LEMD3: variants seen among roughly 807,000 people sequenced by gnomAD.
LEMD3 encodes LEM domain containing 3.
LEMD3 carries 33 observed loss-of-function variants against 95.2 expected under a neutral mutation model. The ratio of observed to expected loss-of-function variants is 0.35; its 90% CI spans 0.26 to 0.46. The LOEUF is 0.46. Ranked by LOEUF, LEMD3 falls within the 20% of genes least tolerant of loss-of-function variation. LEMD3 has a pLI of 1.00. For missense variants in LEMD3, 1,210 were observed against 1,192.8 expected (o/e 1.01, Z -0.21); for synonymous variants, 525 against 474.6 (o/e 1.11, Z -1.38).
intron 1 of LEMD3, among the ~76,000 whole-genome samples, chr12:65,179,688 A>G (rs1868840893): frequency 6.6e-6 from 1 of 152,210 alleles, no homozygotes; most frequent in South Asian, 2.1e-4. Context: ...TGATGGGTTG[A>G]TAGGTGCAGC....
At chr12:65,238,479 T>C (rs1484168722) in intron 4 of LEMD3, 23 bp from the exon 5 acceptor site, 3 of 1,436,922 alleles carry the variant, frequency 2.1e-6, no homozygotes, top group Non-Finnish European at 2.9e-6. Flanking sequence ...AGAATAGTTA[T>C]TTTTCTCTAT....
intron 1 of LEMD3, among the ~76,000 whole-genome samples, chr12:65,201,003 A>AT (rs1869584357): frequency 6.6e-6 from 1 of 152,028 alleles, no homozygotes; most frequent in Non-Finnish European, 1.5e-5. Context: ...GCCTAGATTA[A>AT]TTTTTTTGCA....
At chr12:65,173,719 C>T (rs1868626049) in intron 1 of LEMD3, among the ~76,000 whole-genome samples, 1 of 152,120 alleles carries the variant, frequency 6.6e-6, no homozygotes, top group Admixed American at 6.5e-5. Context: ...CTATAAATGA[C>T]ATAGTATAGT....
At chr12:65,198,816 T>C (rs1372413840) in intron 1 of LEMD3, among the ~76,000 whole-genome samples, 1 of 152,186 alleles carries the variant, frequency 6.6e-6, no homozygotes, top group Non-Finnish European at 1.5e-5. Flanking sequence ...TGTATTGTTA[T>C]ATTGTTAGCA....
At chr12:65,177,728 C>G (rs963743910) in intron 1 of LEMD3, among the ~76,000 whole-genome samples, 1 of 151,058 alleles carries the variant, frequency 6.6e-6, no homozygotes, top group Non-Finnish European at 1.5e-5. Flanking sequence ...ATGTCATTGT[C>G]GTTTAAAAAA....
At chr12:65,189,652 C>G (rs1592435523) in intron 1 of LEMD3, among the ~76,000 whole-genome samples, 2 of 152,328 alleles carry the variant, frequency 1.3e-5, no homozygotes, top group South Asian at 4.1e-4. Flanking sequence ...TTTCTCTCTA[C>G]AGCTGCTCCC....
In LEMD3 at chr12:65,245,896, T is replaced by C. The variant is rs755193050; in HGVS notation, c.2529T>C (p.Tyr843=). ...ATGTTAAATGTCTGTCTCCAGAATA[T>C]GCTGGAAAGGCTTTTAAAGCATTGC... ...CVYVKCLSPE[Y]AGKAFKALHG... Residue 843 remains tyrosine, a synonymous_variant, in exon 12 of 13, where the codon TAT becomes TAC. Transcript: ENST00000308330. 1 of 1,613,334 alleles carries C rather than the reference T, an allele frequency of 6.2e-7. No homozygotes were observed. The highest frequency in any genetic ancestry group is 1.7e-5 in the Admixed American group (1 of 60,030).
chr12:65,245,070 T>C (rs1871057034), intron 10 of LEMD3, among the ~76,000 whole-genome samples: 1 of 151,666 alleles, frequency 6.6e-6, no homozygotes, highest in Admixed American at 6.6e-5. Flanking sequence ...AACATAGGAA[T>C]GACCCAATCC....
At position 65,240,198 on chromosome 12, in the gene LEMD3, A is replaced by G. The variant is rs762830732; in HGVS notation, c.2086A>G (p.Ile696Val). ...ENKDLQPYMP[I>V]PHVRDSLIQP... ...CAAAGATTTACAACCTTACATGCCTATTCCACATGTACGCGATTCCTTAAT... is the reference window on the plus strand; with the variant it reads ...CAAAGATTTACAACCTTACATGCCTGTTCCACATGTACGCGATTCCTTAAT... Residue 696 changes from isoleucine (I) to valine (V), a missense_variant, in exon 8 of 13, where the codon ATT (isoleucine) becomes GTT (valine). By Grantham distance (29) the Ile-to-Val change is conservative. Around this residue, in one of 2 missense-constraint regions of LEMD3, gnomAD observed 461 missense variants for 569.8 expected, o/e 0.81. Coordinates refer to ENST00000308330, the MANE Select transcript of LEMD3 (RefSeq NM_014319.5). 37 of 1,613,748 alleles carry G rather than the reference A, an allele frequency of 2.3e-5. No homozygotes were observed. Among genetic ancestry groups the G allele is most frequent in the Non-Finnish European group, 2.8e-5 (33 of 1,179,810 alleles).
intron 4 of LEMD3, among the ~76,000 whole-genome samples, chr12:65,236,898 A>G (rs115341738): frequency 0.019 from 2,838 of 152,234 alleles, 85 homozygotes; most frequent in African/African-American, 0.063. Flanking sequence ...TAGTATGTGT[A>G]ATATGATACC....
At chr12:65,227,651 C>G (rs1870491770) in intron 4 of LEMD3, among the ~76,000 whole-genome samples, 1 of 151,822 alleles carries the variant, frequency 6.6e-6, no homozygotes, top group African/African-American at 2.4e-5. Context: ...TTAGTGCAAA[C>G]TTGTCCAACT....
At chr12:65,237,062 C>T in intron 4 of LEMD3, among the ~76,000 whole-genome samples, 1 of 151,638 alleles carries the variant, frequency 6.6e-6, no homozygotes. Context: ...GATATATTTA[C>T]TTTCTAATGG....
At chr12:65,204,646 G>T (rs1258863423) in intron 1 of LEMD3, among the ~76,000 whole-genome samples, 1 of 152,054 alleles carries the variant, frequency 6.6e-6, no homozygotes, top group Non-Finnish European at 1.5e-5. Flanking sequence ...ATATATGTGT[G>T]CATATATCTT....
At chr12:65,194,896 A>G (rs1869380891) in intron 1 of LEMD3, among the ~76,000 whole-genome samples, 1 of 4,354 alleles carries the variant, frequency 2.3e-4, no homozygotes, top group African/African-American at 8.8e-4. Context: ...TAAAATTAAA[A>G]TAAAATAATT....
At chr12:65,221,863 C>T (rs1870302628) in intron 4 of LEMD3, among the ~76,000 whole-genome samples, 1 of 151,270 alleles carries the variant, frequency 6.6e-6, no homozygotes, top group South Asian at 2.1e-4. Context: ...GTCTCAGCTT[C>T]CTGAGTAGAT....
chr12:65,230,588 T>C (rs1870595445), intron 4 of LEMD3, among the ~76,000 whole-genome samples: 1 of 152,190 alleles, frequency 6.6e-6, no homozygotes, highest in African/African-American at 2.4e-5. Flanking sequence ...TATATGTTAC[T>C]GATTTTGAGT....
rs1565776010 is a variant in LEMD3 at position 65,170,452 on chromosome 12, C to T, written c.856C>T (p.Pro286Ser). ...GGACGACTCCCTTTCCCGGCATCGGCCCAGACGAACCCATAGTAAGCCTCT... is the reference window on the plus strand; with the variant it reads ...GGACGACTCCCTTTCCCGGCATCGGTCCAGACGAACCCATAGTAAGCCTCT... Reference protein sequence around the residue: ...LKDDSLSRHRPRRTHSKPLPP... With the variant: ...LKDDSLSRHRSRRTHSKPLPP... The change falls in exon 1 of 13, where the codon CCC becomes TCC. Residue 286 changes from proline to serine, a missense_variant. By Grantham distance (74) the Pro-to-Ser change is moderately conservative. This residue lies in a region of LEMD3 where 749 missense variants were observed against 622.9 expected (regional missense o/e 1.20). Transcript: ENST00000308330. 6.2e-7 allele frequency: 1 copy of T among 1,613,866 alleles called. No homozygotes were observed. Among genetic ancestry groups the T allele is most frequent in the Non-Finnish European group, 8.5e-7 (1 of 1,179,952 alleles).
chr12:65,195,209 A>T (rs1271423031), intron 1 of LEMD3, among the ~76,000 whole-genome samples: 1 of 150,114 alleles, frequency 6.7e-6, no homozygotes, highest in East Asian at 1.9e-4. Flanking sequence ...ATAAGCACTT[A>T]CTTTTCTTTA....
chr12:65,235,817 A>G (rs943044850), intron 4 of LEMD3, among the ~76,000 whole-genome samples: 1 of 152,168 alleles, frequency 6.6e-6, no homozygotes, highest in Non-Finnish European at 1.5e-5. Flanking sequence ...AGCTCTCATC[A>G]TGATTATTTC....
Sources: allele counts gnomAD v4.1 joint callset (sites outside exome capture counted in the v4.1 genomes callset), GRCh38; gene constraint gnomAD v4.1.1; regional missense constraint gnomAD v4.1.1; transcripts MANE v1.5; gene names NCBI Gene and HGNC (gene_info 2026-07-23, HGNC 2026-07-21).